OSBPL10: variants seen among roughly 807,000 people sequenced by gnomAD.
OSBPL10 encodes the protein oxysterol-binding protein-related protein 10.
Under a neutral mutation model 81.7 loss-of-function variants are expected in OSBPL10, and 49 were observed. The observed-to-expected ratio is 0.60, with a 90% CI of 0.48 to 0.76. The LOEUF is 0.76. Ranked by LOEUF, OSBPL10 falls within the 30% of genes least tolerant of loss-of-function variation. The probability of loss-of-function intolerance (pLI) is 0.00; values close to 1 mark genes in which losing one functional copy is unlikely to be tolerated. For missense variants in OSBPL10, 923 were observed against 987.8 expected (o/e 0.93, Z 0.88); for synonymous variants, 419 against 383.6 (o/e 1.09, Z -1.08).
intron 1 of OSBPL10, among the ~76,000 whole-genome samples, chr3:31,972,533 G>A (rs1237254143): frequency 6.9e-6 from 1 of 145,532 alleles, no homozygotes; most frequent in African/African-American, 2.8e-5. Flanking sequence ...ACGGCTGAGT[G>A]AGGATCATTT....
chr3:31,797,892 C>A, intron 4 of OSBPL10: 1 of 435,340 alleles, frequency 2.3e-6, no homozygotes, highest in Non-Finnish European at 4.7e-6. Flanking sequence ...AGCTATGGTT[C>A]TTTCTAGCAC....
At chr3:32,012,941 AG>A (rs1206972092) in intron 2 of OSBPL10, among the ~76,000 whole-genome samples, 10 of 150,936 alleles carry the variant, frequency 6.6e-5, no homozygotes, top group Non-Finnish European at 1.0e-4. Flanking sequence ...AGATTCATAA[AG>A]CAAGTCCTTA....
At chr3:31,989,451 T>C in intron 2 of OSBPL10, 1 of 1,614,182 alleles carries the variant, frequency 6.2e-7, no homozygotes, top group South Asian at 1.1e-5. Context: ...GAAATAGCCA[T>C]GAAGCAACTA....
chr3:31,778,216 G>A (rs1698596540), intron 4 of OSBPL10, among the ~76,000 whole-genome samples: 1 of 152,180 alleles, frequency 6.6e-6, no homozygotes, highest in Non-Finnish European at 1.5e-5. Context: ...CCAACTGTGT[G>A]GGAACTGGGT....
chr3:31,742,237 G>A (rs909393848), intron 5 of OSBPL10, among the ~76,000 whole-genome samples: 4 of 152,128 alleles, frequency 2.6e-5, no homozygotes, highest in African/African-American at 9.7e-5. Flanking sequence ...AGAGGTCTCC[G>A]GAAAAACGTA....
intron 6 of OSBPL10, among the ~76,000 whole-genome samples, chr3:31,727,393 G>GAAA (rs11349085): frequency 6.9e-6 from 1 of 144,144 alleles, no homozygotes; most frequent in Non-Finnish European, 1.5e-5. Context: ...TGATTCAAAG[G>GAAA]AAAAAAAAAA....
intron 10 of OSBPL10, among the ~76,000 whole-genome samples, chr3:31,666,553 C>T (rs1004182451): frequency 6.6e-5 from 10 of 152,124 alleles, no homozygotes; most frequent in African/African-American, 2.4e-4. Context: ...CTGGAACCAG[C>T]CACTCCACTC....
chr3:31,868,468 C>A (rs547303101), intron 3 of OSBPL10, among the ~76,000 whole-genome samples: 3 of 152,152 alleles, frequency 2.0e-5, no homozygotes, highest in Non-Finnish European at 4.4e-5. Flanking sequence ...GGCTGCCAAG[C>A]GCTACTTGAG....
intron 1 of OSBPL10, among the ~76,000 whole-genome samples, chr3:31,959,419 A>G (rs1331977676): frequency 6.6e-6 from 1 of 152,198 alleles, no homozygotes; most frequent in Non-Finnish European, 1.5e-5. Flanking sequence ...GCTATATATC[A>G]GAGGAAATTA....
At chr3:31,664,313 A>G in intron 10 of OSBPL10, 81 bp from the exon 11 acceptor site, 1 of 1,483,254 alleles carries the variant, frequency 6.7e-7, no homozygotes, top group Non-Finnish European at 9.2e-7. Context: ...GAGCAGCCAG[A>G]GCAGCGAGGG....
intron 6 of OSBPL10, among the ~76,000 whole-genome samples, chr3:31,705,315 T>C (rs926537436): frequency 1.7e-4 from 26 of 152,192 alleles, no homozygotes; most frequent in Admixed American, 1.4e-3. Context: ...GTAAACATCT[T>C]AGAGGACACT....
rs569412213 is a variant in OSBPL10 at position 31,965,724 on chromosome 3, AAT to A, written c.281+15173_281+15174del. On this transcript the variant is annotated intron_variant, in intron 1 of 11. Coordinates refer to ENST00000396556, the MANE Select transcript of OSBPL10 (RefSeq NM_017784.5). ...ATATATTATATAAAATATATAATAT[AAT>A]ATATATTATCTATTTATATAATATA... Among the ~76,000 whole-genome samples the A allele has an allele frequency of 5.7e-3, 358 of 63,064 alleles. 7 individuals carry two copies. The highest frequency in any genetic ancestry group is 0.035 in the East Asian group (40 of 1,134). 41.4% of individuals were successfully genotyped at this position (63,064 alleles called of 152,430 possible).
chr3:31,753,940 T>C (rs1014380245), intron 4 of OSBPL10, among the ~76,000 whole-genome samples: 1 of 152,142 alleles, frequency 6.6e-6, no homozygotes, highest in Non-Finnish European at 1.5e-5. Context: ...TATTAACAAA[T>C]TGTAAGTTGA....
chr3:32,073,822 C>A (rs1419807692), intron 1 of OSBPL10, among the ~76,000 whole-genome samples: 1 of 152,118 alleles, frequency 6.6e-6, no homozygotes, highest in South Asian at 2.1e-4. Context: ...CTGGTGCTAT[C>A]CCCAAACCGC....
intron 4 of OSBPL10, chr3:31,797,883 G>C (rs1313022582): frequency 2.2e-6 from 1 of 447,772 alleles, no homozygotes; most frequent in East Asian, 7.1e-5. Context: ...AGATAAAATA[G>C]CTATGGTTCT....
intron 10 of OSBPL10, among the ~76,000 whole-genome samples, chr3:31,665,791 A>T (rs932219571): frequency 6.6e-6 from 1 of 152,174 alleles, no homozygotes; most frequent in African/African-American, 2.4e-5. Context: ...CACACACCTT[A>T]CGCTGAGGGT....
intron 3 of OSBPL10, among the ~76,000 whole-genome samples, chr3:31,838,225 T>C (rs1700407594): frequency 6.6e-6 from 1 of 152,192 alleles, no homozygotes; most frequent in South Asian, 2.1e-4. Context: ...AGCTCATATA[T>C]TGTGGCCGGG....
intron 6 of OSBPL10, among the ~76,000 whole-genome samples, chr3:31,730,100 T>C (rs1696924628): frequency 6.6e-6 from 1 of 152,170 alleles, no homozygotes; most frequent in African/African-American, 2.4e-5. Flanking sequence ...CCCAACACTT[T>C]GGGAGGTCAA....
intron 1 of OSBPL10, among the ~76,000 whole-genome samples, chr3:31,961,070 T>A (rs999522315): frequency 7.1e-5 from 6 of 84,826 alleles, no homozygotes; most frequent in East Asian, 4.0e-4. Context: ...TTTTTTTTTT[T>A]AACTTGCCAG....
Sources: gnomAD v4.1 joint callset for allele counts (sites outside exome capture counted in the v4.1 genomes callset) on GRCh38, gnomAD v4.1.1 for gene constraint, MANE v1.5 for transcripts, NCBI Gene and HGNC (gene_info 2026-07-23, HGNC 2026-07-21) for gene names.